The following DDX42 variants were observed in gnomAD, a reference collection of about 807,000 sequenced individuals.
DDX42 encodes the protein DEAD-box helicase 42.
A neutral mutation model predicts 101.5 loss-of-function variants in DDX42; 22 were observed. The observed-to-expected ratio is 0.22, with a 90% CI of 0.15 to 0.31. The LOEUF (loss-of-function observed/expected upper bound fraction) is 0.31. DDX42 is among the 10% of genes least tolerant of loss of function. The probability of loss-of-function intolerance (pLI) is 1.00; values close to 1 mark genes in which losing one functional copy is unlikely to be tolerated. For missense variants in DDX42, 849 were observed against 1,199.9 expected (o/e 0.71, Z 4.32); for synonymous variants, 402 against 401.2 (o/e 1.00, Z -0.02).
intron 8 of DDX42, 149 bp from the exon 9 acceptor site, chr17:63,807,573 TTC>T: frequency 1.6e-6 from 1 of 615,938 alleles, no homozygotes; most frequent in East Asian, 3.0e-5. Flanking sequence ...ATATTGATAT[TTC>T]TATTTCACAA....
chr17:63,806,505 G>A (rs757185683), intron 7 of DDX42, 30 bp from the exon 8 acceptor site: 33 of 1,597,072 alleles, frequency 2.1e-5, no homozygotes, highest in Non-Finnish European at 2.7e-5. Context: ...TGAAGTACAA[G>A]TCATTCTGGG....
chr17:63,794,650 A>AT (rs368399701), intron 3 of DDX42, among the ~76,000 whole-genome samples: 64 of 145,944 alleles, frequency 4.4e-4, no homozygotes, highest in Non-Finnish European at 4.7e-4. Flanking sequence ...AAAAAAAAAA[A>AT]TTTGGCCGGG....
rs1185002751 is a variant in DDX42, at chr17:63,815,366, AC to A, written c.1903-196del. ...GAAGCCTTAGATAAGGATCTCAGCC[AC>A]TTTTCAAATTTGGTGGATTATGCTA... is the stretch of plus-strand genomic sequence containing the variant. On this transcript the variant is annotated intron_variant, in intron 15 of 17. Coordinates refer to ENST00000389924, the MANE Select transcript of DDX42 (RefSeq NM_203499.3). Among the ~76,000 whole-genome samples, 4 of 152,214 alleles carry A rather than the reference AC, an allele frequency of 2.6e-5. No homozygotes were observed. In the South Asian group the frequency reaches 6.2e-4, roughly 24 times the overall value.
At chr17:63,803,648 CT>C (rs1178136034) in intron 6 of DDX42, among the ~76,000 whole-genome samples, 4 of 144,632 alleles carry the variant, frequency 2.8e-5, no homozygotes, top group East Asian at 2.2e-4. Context: ...TTTTCCTTTG[CT>C]TTTTTTTCTT....
At chr17:63,782,895 A>G (rs1038888098) in intron 1 of DDX42, among the ~76,000 whole-genome samples, 2 of 152,088 alleles carry the variant, frequency 1.3e-5, no homozygotes, top group African/African-American at 2.4e-5. Context: ...TAAGCTGTTC[A>G]TCTTGGCCCT....
In DDX42 at chr17:63,817,683, T is replaced by G; in HGVS notation, c.2113-11T>G. On this transcript the variant is annotated splice_polypyrimidine_tract_variant and intron_variant, in intron 17 of 17. Coordinates refer to ENST00000389924, the MANE Select transcript of DDX42 (RefSeq NM_203499.3). ...TATCTTACCTACTCCTGATGTCTCT[T>G]TCTCTTTCAGTCACAGTACAAGAGT... 2 of 1,610,246 alleles carry G rather than the reference T, an allele frequency of 1.2e-6. No homozygotes were observed. The highest frequency in any genetic ancestry group is 1.1e-5 in the South Asian group (1 of 90,968).
intron 15 of DDX42, among the ~76,000 whole-genome samples, chr17:63,814,049 G>A (rs753364626): frequency 2.8e-4 from 43 of 152,064 alleles, no homozygotes; most frequent in Middle Eastern, 3.4e-3. Context: ...CATGTTGGTC[G>A]GGCTGGTCTC....
intron 7 of DDX42, chr17:63,806,030 T>C (rs2039835866): frequency 6.5e-6 from 1 of 152,720 alleles, no homozygotes; most frequent in Non-Finnish European, 1.5e-5. Flanking sequence ...GGCTGGACCA[T>C]CACTAAGTGA....
chr17:63,797,567 T>C (rs1182657013), intron 3 of DDX42, among the ~76,000 whole-genome samples: 1 of 152,116 alleles, frequency 6.6e-6, no homozygotes, highest in Non-Finnish European at 1.5e-5. Flanking sequence ...AAACCAGTAC[T>C]ATCAGCTGTA....
At chr17:63,800,432 A>G in intron 5 of DDX42, 36 bp from the exon 6 acceptor site, 2 of 1,603,864 alleles carry the variant, frequency 1.2e-6, no homozygotes, top group Middle Eastern at 1.7e-4. Context: ...TCTCAATTGT[A>G]CTTGGGTGTG....
chr17:63,803,478 G>GA (rs1357473557), intron 6 of DDX42, among the ~76,000 whole-genome samples: 2 of 146,250 alleles, frequency 1.4e-5, no homozygotes, highest in African/African-American at 5.0e-5. Context: ...TGAGGCAGGG[G>GA]AATCACTTAA....
Position 63,811,162 on chromosome 17 carries a change from G to A in DDX42, c.1387G>A (p.Asp463Asn). Residue 463 changes from aspartate to asparagine, a missense_variant, in exon 13 of 18, where the codon GAT becomes AAT. Around this residue, in one of 5 missense-constraint regions of DDX42, gnomAD observed 370 missense variants for 608.8 expected, o/e 0.61. Transcript: ENST00000389924. Reference sequence around the variant, plus strand: ...CGACCCTATTCGAGTGGTGCAGGGAGATATTGGAGAGGTAACCCTAAGCAG... The same window carrying A: ...CGACCCTATTCGAGTGGTGCAGGGAAATATTGGAGAGGTAACCCTAAGCAG... ...LIDPIRVVQG[D>N]IGEANEDVTQ... The A allele has an allele frequency of 2.5e-6, 4 of 1,613,736 alleles. No homozygotes were observed. Among genetic ancestry groups the A allele is most frequent in the Non-Finnish European group, 3.4e-6 (4 of 1,179,842 alleles).
rs886342946 is a variant in DDX42, at chr17:63,818,472, C to T, written c.*74C>T. 5 of 1,448,026 alleles carry T rather than the reference C, an allele frequency of 3.5e-6. No homozygotes were observed. The highest frequency in any genetic ancestry group is 2.8e-5 in the African/African-American group (2 of 70,820). The allele number at this position is 1,448,026 out of a possible 1,614,324, so 89.7% of individuals were successfully genotyped here. ...ATTTTGGTAACTAGGTGTCTCAGGG[C>T]TGGGTTGGGGTCCAAAGTGTAAGGA... On this transcript the variant is annotated 3_prime_UTR_variant, in exon 18 of 18. Transcript: ENST00000389924.
chr17:63,806,938 C>T (rs2039848755), intron 8 of DDX42, among the ~76,000 whole-genome samples: 1 of 152,100 alleles, frequency 6.6e-6, no homozygotes, highest in South Asian at 2.1e-4. Flanking sequence ...ACTAGAATTC[C>T]TTCGTTCGTC....
intron 2 of DDX42, among the ~76,000 whole-genome samples, chr17:63,788,019 C>G (rs546934655): frequency 5.6e-4 from 85 of 150,904 alleles, no homozygotes; most frequent in Non-Finnish European, 1.2e-3. Context: ...ATTCTCCAGC[C>G]TCACCCTCCT....
chr17:63,801,099 G>A (rs1293043921), intron 6 of DDX42, among the ~76,000 whole-genome samples: 4 of 150,366 alleles, frequency 2.7e-5, no homozygotes, highest in Admixed American at 1.3e-4. Flanking sequence ...ACCCAGGCTG[G>A]AGTGCAGTGG....
chr17:63,807,322 G>A (rs996764039), intron 8 of DDX42, among the ~76,000 whole-genome samples: 6 of 152,072 alleles, frequency 3.9e-5, no homozygotes, highest in African/African-American at 1.4e-4. Flanking sequence ...TTGTATTTTA[G>A]TTGAGATAGG....
At chr17:63,786,491 C>T (rs1353665212) in intron 1 of DDX42, among the ~76,000 whole-genome samples, 4 of 152,184 alleles carry the variant, frequency 2.6e-5, no homozygotes. Context: ...GTGGCGTGAT[C>T]ATAGCTCAGT....
At chr17:63,780,148 T>G (rs151078998) in intron 1 of DDX42, among the ~76,000 whole-genome samples, 1 of 152,120 alleles carries the variant, frequency 6.6e-6, no homozygotes, top group Non-Finnish European at 1.5e-5. Context: ...AATACAAAAT[T>G]AGCCAGGCGT....
Sources: gnomAD v4.1 joint callset for allele counts (sites outside exome capture counted in the v4.1 genomes callset) on GRCh38, gnomAD v4.1.1 for gene constraint, gnomAD v4.1.1 regional missense constraint, MANE v1.5 for transcripts, NCBI Gene and HGNC (gene_info 2026-07-23, HGNC 2026-07-21) for gene names.